LARGE1: variants seen among roughly 807,000 people sequenced by gnomAD.
The protein encoded by LARGE1 is LARGE xylosyl- and glucuronyltransferase 1, also known as xylosyl- and glucuronyltransferase LARGE1.
A neutral mutation model predicts 87.6 loss-of-function variants in LARGE1; 43 were observed. That is an observed-to-expected ratio of 0.49 (90% CI 0.38 to 0.63). The LOEUF (loss-of-function observed/expected upper bound fraction) is 0.63. Ranked by LOEUF, LARGE1 falls within the 30% of genes least tolerant of loss-of-function variation. The pLI, the probability that LARGE1 is intolerant of heterozygous loss-of-function variation, is 0.00. For synonymous variants in LARGE1, 434 were observed against 394.6 expected (o/e 1.10, Z -1.18); for missense variants, 802 against 1,000.2 (o/e 0.80, Z 2.67).
At chr22:33,131,882 C>T in the LARGE1 span, among the ~76,000 whole-genome samples, 2 of 151,980 alleles carry the variant, frequency 1.3e-5, no homozygotes, top group Non-Finnish European at 2.9e-5. Context: ...CTTAATTGGA[C>T]TCACGGTTCC....
chr22:33,269,409 C>T (rs529895639), downstream of LARGE1, among the ~76,000 whole-genome samples: 1 of 152,286 alleles, frequency 6.6e-6, no homozygotes, highest in East Asian at 1.9e-4. Context: ...GTAGACTGTA[C>T]CTGGTTCACT....
At chr22:33,618,581 C>T (rs763304849) in intron 4 of LARGE1, among the ~76,000 whole-genome samples, 6 of 152,216 alleles carry the variant, frequency 3.9e-5, no homozygotes, top group Admixed American at 1.3e-4. Context: ...AAAGATATCA[C>T]GTGCCTATGC....
At chr22:33,319,303 C>T (rs1384765074) in intron 10 of LARGE1, among the ~76,000 whole-genome samples, 1 of 152,214 alleles carries the variant, frequency 6.6e-6, no homozygotes, top group Non-Finnish European at 1.5e-5. Flanking sequence ...GATGCCGAGG[C>T]TAGCTTGCTG....
chr22:33,678,921 A>G (rs998507096), intron 2 of LARGE1, among the ~76,000 whole-genome samples: 1 of 152,246 alleles, frequency 6.6e-6, no homozygotes, highest in Non-Finnish European at 1.5e-5. Context: ...GTGCCAGTGC[A>G]TTAGGACAGC....
intron 6 of LARGE1, among the ~76,000 whole-genome samples, chr22:33,518,137 G>A (rs1396853756): frequency 6.6e-6 from 1 of 152,222 alleles, no homozygotes; most frequent in Non-Finnish European, 1.5e-5. Flanking sequence ...TAGAATAATG[G>A]TTAATGTGCA....
intron 5 of LARGE1, among the ~76,000 whole-genome samples, chr22:33,591,391 C>T (rs917711448): frequency 1.2e-4 from 18 of 152,268 alleles, no homozygotes; most frequent in African/African-American, 3.6e-4. Context: ...TTGCATTTCC[C>T]TGATGACTAA....
intron 2 of LARGE1, chr22:33,750,763 G>A (rs567152219): frequency 3.3e-5 from 5 of 152,214 alleles, no homozygotes; most frequent in African/African-American, 1.2e-4. Context: ...GTTTCCAACT[G>A]ATGAAAACAC....
intron 1 of LARGE1, among the ~76,000 whole-genome samples, chr22:33,804,749 G>C (rs1000362443): frequency 2.6e-5 from 4 of 152,188 alleles, no homozygotes; most frequent in Admixed American, 6.6e-5. Flanking sequence ...AATGTCCCCA[G>C]TGCAACCCAG....
chr22:33,685,317 G>C (rs996831534), intron 2 of LARGE1, among the ~76,000 whole-genome samples: 1 of 152,174 alleles, frequency 6.6e-6, no homozygotes, highest in Non-Finnish European at 1.5e-5. Flanking sequence ...ATCTAATAAA[G>C]CATGTACAAA....
At chr22:33,753,412 A>T (rs1170824024) in intron 2 of LARGE1, among the ~76,000 whole-genome samples, 4 of 152,174 alleles carry the variant, frequency 2.6e-5, no homozygotes, top group Admixed American at 2.0e-4. Flanking sequence ...AGAAGCTTAA[A>T]AAGACCAGGA....
chr22:33,850,243 C>T (rs79564486), intron 1 of LARGE1, among the ~76,000 whole-genome samples: 5,076 of 152,232 alleles, frequency 0.033, 125 homozygotes, highest in Non-Finnish European at 0.052. Context: ...GGCCTTCAAA[C>T]AGGGATTTCA....
At chr22:33,228,704 G>C (rs1925856839) in intron 11 of LARGE1, among the ~76,000 whole-genome samples, 1 of 152,162 alleles carries the variant, frequency 6.6e-6, no homozygotes, top group Admixed American at 6.5e-5. Context: ...ATACTTAAGG[G>C]ATAAAAACAA....
chr22:33,195,756 C>T (rs9609743), intron 11 of LARGE1, among the ~76,000 whole-genome samples: 4,185 of 130,704 alleles, frequency 0.032, 78 homozygotes, highest in Admixed American at 0.059. Flanking sequence ...TTTCTTTTTT[C>T]TTTTTTTTTT....
At chr22:33,905,126 C>T (rs925584017) in intron 1 of LARGE1, among the ~76,000 whole-genome samples, 5 of 135,962 alleles carry the variant, frequency 3.7e-5, no homozygotes, top group Admixed American at 2.5e-4. Context: ...AGTGCAATGG[C>T]GTGACCAGGG....
intron 6 of LARGE1, among the ~76,000 whole-genome samples, chr22:33,532,240 G>A (rs1012384478): frequency 1.3e-5 from 2 of 152,166 alleles, no homozygotes; most frequent in African/African-American, 2.4e-5. Flanking sequence ...TTCTTTTAAC[G>A]TTTTATTTCC....
chr22:33,253,840 A>G (rs1927124797), intron 11 of LARGE1, among the ~76,000 whole-genome samples: 1 of 151,538 alleles, frequency 6.6e-6, no homozygotes, highest in Non-Finnish European at 1.5e-5. Flanking sequence ...AAAGGTTCCT[A>G]TGCCCAGGGG....
At chr22:33,832,831 G>A (rs932474321) in intron 1 of LARGE1, among the ~76,000 whole-genome samples, 6 of 152,236 alleles carry the variant, frequency 3.9e-5, no homozygotes, top group Non-Finnish European at 8.8e-5. Context: ...CTGAGGCCCA[G>A]GATCTATGTC....
At chr22:33,501,276 C>G (rs2070422190) in intron 6 of LARGE1, among the ~76,000 whole-genome samples, 1 of 152,138 alleles carries the variant, frequency 6.6e-6, no homozygotes, top group African/African-American at 2.4e-5. Flanking sequence ...CAGTGAGCGG[C>G]AGAGGGGCTG....
chr22:33,918,063 G>C (rs1466809374), intron 1 of LARGE1, among the ~76,000 whole-genome samples: 1 of 152,206 alleles, frequency 6.6e-6, no homozygotes, highest in South Asian at 2.1e-4. Flanking sequence ...CAACTTTAAA[G>C]CGCAGCTCAG....
Sources: gnomAD v4.1 joint callset for allele counts (sites outside exome capture counted in the v4.1 genomes callset) on GRCh38, gnomAD v4.1.1 for gene constraint, MANE v1.5 for transcripts, NCBI Gene and HGNC (gene_info 2026-07-23, HGNC 2026-07-21) for gene names.